TFEB: variants seen among roughly 807,000 people sequenced by gnomAD.
TFEB encodes the protein transcription factor EB.
A neutral mutation model predicts 48.0 loss-of-function variants in TFEB; 12 were observed. The ratio of observed to expected loss-of-function variants is 0.25; its 90% confidence interval spans 0.16 to 0.40. The LOEUF is 0.40. Ranked by LOEUF, TFEB falls within the 10% of genes least tolerant of loss-of-function variation. The pLI is 1.00. For synonymous variants in TFEB, 244 were observed against 261.4 expected (o/e 0.93, Z 0.64); for missense variants, 509 against 640.3 (o/e 0.79, Z 2.21).
chr6:41,727,806 C>T (rs924051255), intron 1 of TFEB, among the ~76,000 whole-genome samples: 4 of 152,236 alleles, frequency 2.6e-5, no homozygotes, highest in Non-Finnish European at 4.4e-5. Context: ...CCTGAGCTGT[C>T]GGCCCTGATC....
chr6:41,733,531 G>A (rs1339584289), intron 1 of TFEB: 1 of 768,858 alleles, frequency 1.3e-6, no homozygotes, highest in Non-Finnish European at 1.6e-6. Flanking sequence ...CACCCAAACA[G>A]CTCTGCCCTT....
intron 7 of TFEB, chr6:41,686,460 G>A: frequency 2.4e-6 from 1 of 414,456 alleles, no homozygotes. Flanking sequence ...AGGCAATTCA[G>A]AGCAGCCTCC....
At chr6:41,718,559 C>T (rs1770837534) in intron 1 of TFEB, among the ~76,000 whole-genome samples, 1 of 152,098 alleles carries the variant, frequency 6.6e-6, no homozygotes, top group Non-Finnish European at 1.5e-5. Context: ...ACAATAATTA[C>T]TATTTACTAT....
At chr6:41,695,889 A>T (rs967229511) in intron 1 of TFEB, among the ~76,000 whole-genome samples, 1 of 152,200 alleles carries the variant, frequency 6.6e-6, no homozygotes, top group Non-Finnish European at 1.5e-5. Context: ...GTCATGTCCA[A>T]AGGTGGGTCG....
At chr6:41,722,167 A>T (rs1484680939) in intron 1 of TFEB, among the ~76,000 whole-genome samples, 1 of 152,042 alleles carries the variant, frequency 6.6e-6, no homozygotes, top group African/African-American at 2.4e-5. Flanking sequence ...TTTAGTAGGG[A>T]CGGGGTTTCA....
chr6:41,719,045 C>T (rs1228638319), intron 1 of TFEB, among the ~76,000 whole-genome samples: 4 of 152,206 alleles, frequency 2.6e-5, no homozygotes, highest in Non-Finnish European at 4.4e-5. Flanking sequence ...GCAGCCACTC[C>T]CCATTGCTCA....
At chr6:41,714,974 TCAGA>T (rs1251651205) in intron 1 of TFEB, among the ~76,000 whole-genome samples, 1 of 152,202 alleles carries the variant, frequency 6.6e-6, no homozygotes, top group Non-Finnish European at 1.5e-5. Flanking sequence ...ACTCCCATTT[TCAGA>T]CAAAGTCGGC....
rs150582216 is a variant in TFEB at position 41,733,699 on chromosome 6, AC to A, written c.-23+1650del. Reference sequence around the variant, plus strand: ...GCAGGCAGGGACCTCAAGGCAGCTGACCCTTCCCTTCCTCTGCCTCTGCCTC... The same window carrying A: ...GCAGGCAGGGACCTCAAGGCAGCTGACCTTCCCTTCCTCTGCCTCTGCCTC... On this transcript the variant is annotated intron_variant, in intron 1 of 8. Transcript: ENST00000373033. The A allele has an allele frequency of 6.8e-3, 6,693 of 985,044 alleles. 317 individuals are homozygous for A. The African/African-American group carries it at 0.1, about 15-fold the overall frequency. 61.0% of individuals were successfully genotyped at this position (985,044 alleles called of 1,614,324 possible).
intron 1 of TFEB, among the ~76,000 whole-genome samples, chr6:41,705,090 A>G (rs542583076): frequency 1.3e-5 from 2 of 152,294 alleles, no homozygotes; most frequent in Admixed American, 1.3e-4. Context: ...ACCAGTACAC[A>G]CACACTGCAC....
At chr6:41,707,581 C>A (rs1254713686) in intron 1 of TFEB, among the ~76,000 whole-genome samples, 1 of 152,208 alleles carries the variant, frequency 6.6e-6, no homozygotes, top group Non-Finnish European at 1.5e-5. Context: ...CTTACCTACA[C>A]GCCACTTCCC....
chr6:41,693,165 T>C (rs1394570564), intron 1 of TFEB, among the ~76,000 whole-genome samples: 3 of 152,146 alleles, frequency 2.0e-5, no homozygotes, highest in Admixed American at 6.5e-5. Context: ...CCTCAGGGGA[T>C]AGCAAAGGGA....
intron 6 of TFEB, 126 bp from the exon 7 acceptor site, chr6:41,687,295 G>A (rs1322569285): frequency 4.9e-6 from 4 of 813,250 alleles, no homozygotes; most frequent in Non-Finnish European, 8.3e-6. Context: ...GTTCTTCCAG[G>A]AAGTAAGAGG....
chr6:41,733,623 G>C (rs924182630), intron 1 of TFEB: 11 of 985,350 alleles, frequency 1.1e-5, no homozygotes, highest in Non-Finnish European at 1.1e-5. Context: ...CGAGTTGCTC[G>C]TGGTCCTGGG....
At chr6:41,689,391 T>C (rs1031418364) in intron 4 of TFEB, among the ~76,000 whole-genome samples, 3 of 152,072 alleles carry the variant, frequency 2.0e-5, no homozygotes, top group African/African-American at 7.2e-5. Flanking sequence ...CACCTTCCCA[T>C]AGACACACTG....
intron 1 of TFEB, among the ~76,000 whole-genome samples, chr6:41,731,821 C>T (rs73733012): frequency 0.025 from 3,831 of 152,290 alleles, 174 homozygotes; most frequent in African/African-American, 0.086. Flanking sequence ...ACCTAGAAGG[C>T]CATCAGTAAG....
intron 1 of TFEB, among the ~76,000 whole-genome samples, chr6:41,727,052 T>C (rs1414481406): frequency 6.6e-6 from 1 of 152,110 alleles, no homozygotes; most frequent in African/African-American, 2.4e-5. Flanking sequence ...ATAGCCTCTT[T>C]CACCCGCCAC....
rs1000360123 is a variant in TFEB, at chr6:41,689,623, G to C, written c.549+108C>G. The C allele has an allele frequency of 3.7e-6, 3 of 808,234 alleles. No homozygotes were observed. The African/African-American group carries it at 5.1e-5, about 14-fold the overall frequency. The allele number at this position is 808,234 out of a possible 1,614,324, so 50.1% of individuals were successfully genotyped here. On this transcript the variant is annotated intron_variant, in intron 4 of 8. Coordinates refer to ENST00000373033, the MANE Select transcript of TFEB (RefSeq NM_001271944.2). ...GACTCATCTCTACAGAAACATGCCA[G>C]CTCTGCCCAGTGAGAACCCTGTCTC...
rs1475823563 is a variant in TFEB, at chr6:41,687,094, A to G, written c.803T>C (p.Leu268Pro). Residue 268 changes from leucine (L) to proline (P), a missense_variant and splice_region_variant, in exon 7 of 9, where the codon CTG (leucine) becomes CCG (proline). This residue lies in a region of TFEB where 28 missense variants were observed against 71.9 expected (regional missense o/e 0.39). Transcript: ENST00000373033. Reference protein sequence around the residue: ...LGMLIPKANDLDVRWNKGTIL... With the variant: ...LGMLIPKANDPDVRWNKGTIL... ...CCCTCCCCCTCAGAAACCTGCTCAC[A>G]GGTCATTGGCCTTGGGGATCAGCAT... The G allele has an allele frequency of 6.2e-7, 1 of 1,614,088 alleles. No homozygotes were observed. Among genetic ancestry groups the G allele is most frequent in the Admixed American group, 1.7e-5 (1 of 60,032 alleles).
Position 41,728,538 on chromosome 6 carries a change from C to T in TFEB, c.-23+6812G>A, listed in dbSNP as rs1042778313. ...GTGTCACCTCCTGGCCACTCTGCACCCCTCAGGGACTGTGGGGGGCCGCGG... is the reference window on the plus strand; with the variant it reads ...GTGTCACCTCCTGGCCACTCTGCACTCCTCAGGGACTGTGGGGGGCCGCGG... On this transcript the variant is annotated intron_variant, in intron 1 of 8. Transcript: ENST00000373033. 2.6e-5 allele frequency among the ~76,000 whole-genome samples: 4 copies of T among 152,130 alleles called. No homozygotes were observed. The East Asian group carries it at 5.8e-4, about 22-fold the overall frequency.
Sources: allele counts gnomAD v4.1 joint callset (sites outside exome capture counted in the v4.1 genomes callset), GRCh38; gene constraint gnomAD v4.1.1; regional missense constraint gnomAD v4.1.1; transcripts MANE v1.5; gene names NCBI Gene and HGNC (gene_info 2026-07-23, HGNC 2026-07-21).